Variants in CTNNA2 observed in about 807,000 individuals in gnomAD.
The protein encoded by CTNNA2 is catenin alpha 2.
A neutral mutation model predicts 101.0 loss-of-function variants in CTNNA2; 42 were observed. The observed-to-expected ratio is 0.42, with a 90% confidence interval of 0.32 to 0.54. The LOEUF (loss-of-function observed/expected upper bound fraction) is 0.54, where lower values mean the gene tolerates loss of function less well. Among genes scored for constraint, CTNNA2 ranks in the 20% least tolerant of loss-of-function variants. The pLI, the probability that CTNNA2 is intolerant of heterozygous loss-of-function variation, is 0.14. For missense variants in CTNNA2, 871 were observed against 1,223.1 expected (o/e 0.71, Z 4.29); for synonymous variants, 450 against 456.4 (o/e 0.99, Z 0.18).
At chr2:79,645,063 G>A (rs1680716733) in intron 1 of CTNNA2, among the ~76,000 whole-genome samples, 1 of 152,000 alleles carries the variant, frequency 6.6e-6, no homozygotes, top group East Asian at 1.9e-4. Context: ...GCTCACTGCA[G>A]CCTCTGCCTC....
At position 79,492,556 on chromosome 2, in the gene CTNNA2, T is replaced by A. The variant is rs532475814; in HGVS notation, c.-134-12498T>A. Among the ~76,000 whole-genome samples the A allele has an allele frequency of 1.8e-3, 269 of 152,222 alleles. 1 individual carries two copies. The highest frequency in any genetic ancestry group is 6.3e-3 in the African/African-American group (260 of 41,564). ...CTTGAAAATATAATAAGATTTATAA[T>A]CTAAGTTTAAAAGATTAAGAAAGCA... On this transcript the variant is annotated intron_variant, in intron 4 of 21. Transcript: ENST00000466387.
chr2:79,586,801 C>T (rs1051147985), intron 1 of CTNNA2, among the ~76,000 whole-genome samples: 2 of 152,036 alleles, frequency 1.3e-5, no homozygotes, highest in African/African-American at 2.4e-5. Context: ...CCCAATATGT[C>T]GTCTTTTATC....
At chr2:79,944,483 C>G (rs540970993) in intron 7 of CTNNA2, among the ~76,000 whole-genome samples, 14 of 152,186 alleles carry the variant, frequency 9.2e-5, no homozygotes, top group Non-Finnish European at 1.6e-4. Context: ...CCTCAGTGAA[C>G]TGTCAAATGG....
chr2:79,497,298 T>A (rs80067874), intron 4 of CTNNA2, among the ~76,000 whole-genome samples: 1 of 152,186 alleles, frequency 6.6e-6, no homozygotes, highest in African/African-American at 2.4e-5. Flanking sequence ...CCATCTATCA[T>A]CTTACACATT....
Position 79,558,004 on chromosome 2 carries a change from G to A in CTNNA2, c.-6+44797G>A, listed in dbSNP as rs116593651. On this transcript the variant is annotated intron_variant, in intron 1 of 18. Transcript: ENST00000402739. ...CAGCATTGTACAGAATCTCCAGAGCGTTTACACACATAGAGATTTATACAT... is the reference window on the plus strand; with the variant it reads ...CAGCATTGTACAGAATCTCCAGAGCATTTACACACATAGAGATTTATACAT... Among the ~76,000 whole-genome samples the A allele has an allele frequency of 1.3e-3, 196 of 152,012 alleles. 2 individuals carry two copies. Among genetic ancestry groups the A allele is most frequent in the African/African-American group, 4.5e-3 (188 of 41,526 alleles).
At chr2:80,385,932 C>T (rs895642964) in intron 7 of CTNNA2, among the ~76,000 whole-genome samples, 3 of 152,036 alleles carry the variant, frequency 2.0e-5, no homozygotes, top group Admixed American at 1.3e-4. Flanking sequence ...CAGTTTGTTC[C>T]CTGCCCACAG....
intron 1 of CTNNA2, among the ~76,000 whole-genome samples, chr2:79,554,033 T>A (rs940038785): frequency 2.6e-5 from 4 of 152,306 alleles, no homozygotes; most frequent in African/African-American, 9.6e-5. Flanking sequence ...CCTTTCACAC[T>A]ACAAATAGAT....
At chr2:80,034,464 C>T (rs1184626412) in intron 7 of CTNNA2, among the ~76,000 whole-genome samples, 1 of 151,336 alleles carries the variant, frequency 6.6e-6, no homozygotes, top group Non-Finnish European at 1.5e-5. Flanking sequence ...AGCGATTCTC[C>T]TGCCTCAGCC....
At chr2:80,095,175 C>T (rs1187016549) in intron 7 of CTNNA2, among the ~76,000 whole-genome samples, 1 of 152,088 alleles carries the variant, frequency 6.6e-6, no homozygotes, top group Non-Finnish European at 1.5e-5. Context: ...TGAGATATGT[C>T]CCATCAATAC....
chr2:80,527,067 G>T (rs762845657), intron 9 of CTNNA2, among the ~76,000 whole-genome samples: 2 of 152,194 alleles, frequency 1.3e-5, no homozygotes, highest in Non-Finnish European at 2.9e-5. Flanking sequence ...GAGTGCTCAG[G>T]AGAATGTGCT....
chr2:79,502,000 A>T (rs1671325688), intron 4 of CTNNA2, among the ~76,000 whole-genome samples: 1 of 148,616 alleles, frequency 6.7e-6, no homozygotes, highest in Non-Finnish European at 1.5e-5. Flanking sequence ...AAGGCCCTGC[A>T]ATTACCTCCC....
intron 4 of CTNNA2, among the ~76,000 whole-genome samples, chr2:79,374,759 C>T (rs62159365): frequency 0.046 from 2,906 of 62,884 alleles, 23 homozygotes; most frequent in African/African-American, 0.076. Context: ...AATGTTAACT[C>T]CATGAGATTT....
At chr2:79,297,514 A>T (rs1044657817) in intron 2 of CTNNA2, among the ~76,000 whole-genome samples, 12 of 152,144 alleles carry the variant, frequency 7.9e-5, no homozygotes, top group Non-Finnish European at 1.2e-4. Flanking sequence ...TTACTTTCTC[A>T]TATCCTCAGC....
intron 1 of CTNNA2, among the ~76,000 whole-genome samples, chr2:79,538,280 A>G (rs1300133142): frequency 1.3e-5 from 2 of 152,182 alleles, no homozygotes; most frequent in Non-Finnish European, 2.9e-5. Flanking sequence ...TTTAACCACA[A>G]TATATCAGAA....
chr2:80,061,644 T>G (rs1459605200), intron 7 of CTNNA2, among the ~76,000 whole-genome samples: 1 of 152,234 alleles, frequency 6.6e-6, no homozygotes, highest in African/African-American at 2.4e-5. Flanking sequence ...TAAAGTTGAA[T>G]ACTTCCTTTT....
At chr2:80,172,423 C>G (rs1157350993) in intron 7 of CTNNA2, among the ~76,000 whole-genome samples, 2 of 152,130 alleles carry the variant, frequency 1.3e-5, no homozygotes, top group Non-Finnish European at 2.9e-5. Flanking sequence ...ACACTGTTCT[C>G]TGAAAGGAAG....
chr2:79,795,250 C>T (rs1675606911), intron 3 of CTNNA2, among the ~76,000 whole-genome samples: 1 of 151,950 alleles, frequency 6.6e-6, no homozygotes, highest in Non-Finnish European at 1.5e-5. Context: ...CTTTTCTTGC[C>T]TTCATTTCAG....
intron 7 of CTNNA2, among the ~76,000 whole-genome samples, chr2:80,285,815 T>A (rs930395153): frequency 1.2e-4 from 18 of 152,198 alleles, no homozygotes; most frequent in Non-Finnish European, 1.9e-4. Context: ...GCTATTCACA[T>A]GTTGTTAGAC....
chr2:80,311,300 T>C lies in CTNNA2; in HGVS notation c.1057-81911T>C, dbSNP rs528028629. Among the ~76,000 whole-genome samples the C allele has an allele frequency of 3.3e-5, 5 of 152,322 alleles. No individual in the cohort carries two copies. In the South Asian group the frequency reaches 1.0e-3, roughly 32 times the overall value. On this transcript the variant is annotated intron_variant, in intron 7 of 18. Transcript: ENST00000402739. ...ATGCCAAATTGTCATCCTGAAAGAT[T>C]TCACACTTTTCATCCTCAATAGTTG... is the stretch of plus-strand genomic sequence containing the variant.
Sources: allele counts gnomAD v4.1 joint callset (sites outside exome capture counted in the v4.1 genomes callset), GRCh38; gene constraint gnomAD v4.1.1; transcripts MANE v1.5; gene names NCBI Gene and HGNC (gene_info 2026-07-23, HGNC 2026-07-21).